Variants in FAP observed in about 807,000 individuals in gnomAD.
FAP encodes fibroblast activation protein alpha, also known as prolyl endopeptidase FAP.
Under a neutral mutation model 126.5 loss-of-function variants are expected in FAP, and 110 were observed. The observed-to-expected ratio is 0.87, with a 90% CI of 0.74 to 1.02. FAP has a LOEUF of 1.02. FAP is among the 50% of genes least tolerant of loss of function. FAP has a pLI of 0.00. For missense variants in FAP, 919 were observed against 909.2 expected, an observed-to-expected ratio of 1.01 and a Z score of -0.14; for synonymous variants, 334 against 297.3, an observed-to-expected ratio of 1.12 and a Z score of -1.27.
intron 16 of FAP, among the ~76,000 whole-genome samples, chr2:162,196,818 CA>C (rs765530018): frequency 6.6e-6 from 1 of 152,120 alleles, no homozygotes; most frequent in Non-Finnish European, 1.5e-5. Context: ...ACTGGAGCTT[CA>C]AAAACACCAG....
intron 14 of FAP, among the ~76,000 whole-genome samples, chr2:162,201,097 G>A (rs903785018): frequency 3.3e-5 from 5 of 152,170 alleles, no homozygotes; most frequent in Non-Finnish European, 7.3e-5. Context: ...AGATGCAAAA[G>A]AAGTCATAAG....
intron 2 of FAP, among the ~76,000 whole-genome samples, chr2:162,229,234 A>AT (rs35449032): frequency 6.6e-6 from 1 of 152,262 alleles, no homozygotes; most frequent in South Asian, 2.1e-4. Flanking sequence ...AAGTGAGATA[A>AT]TTCAACTAAA....
Position 162,200,558 on chromosome 2 carries a change from TA to T in FAP, c.1277+7del. On this transcript the variant is annotated splice_region_variant and intron_variant, in intron 15 of 25. Transcript: ENST00000188790. ...ATAGAAATACCAGAATGAATGGACA[TA>T]AATTACCTGTAGATGTTTCTTCTTC... is the stretch of plus-strand genomic sequence containing the variant. The T allele has an allele frequency of 6.8e-7, 1 of 1,465,860 alleles. No individual in the cohort carries two copies. Among genetic ancestry groups the T allele is most frequent in the Non-Finnish European group, 9.4e-7 (1 of 1,060,296 alleles). The allele number at this position is 1,465,860 out of a possible 1,614,324, so 90.8% of individuals were successfully genotyped here.
intron 12 of FAP, among the ~76,000 whole-genome samples, chr2:162,205,199 C>T (rs186908607): frequency 6.8e-4 from 104 of 152,268 alleles, no homozygotes; most frequent in African/African-American, 2.4e-3. Flanking sequence ...CTACTTTTAA[C>T]TTGTCTAAAG....
chr2:162,220,234 T>C (rs1207907680), intron 6 of FAP, among the ~76,000 whole-genome samples: 1 of 152,250 alleles, frequency 6.6e-6, no homozygotes, highest in East Asian at 1.9e-4. Flanking sequence ...AATTATCTAA[T>C]ACAGTCCTCT....
intron 21 of FAP, among the ~76,000 whole-genome samples, chr2:162,178,904 C>T (rs1477336037): frequency 6.6e-6 from 1 of 152,158 alleles, no homozygotes; most frequent in Non-Finnish European, 1.5e-5. Flanking sequence ...CTCCAATTTC[C>T]CACAGGTCCC....
chr2:162,216,477 T>C (rs2106270995), intron 9 of FAP, among the ~76,000 whole-genome samples: 1 of 152,336 alleles, frequency 6.6e-6, no homozygotes, highest in Non-Finnish European at 1.5e-5. Flanking sequence ...CACCAAATGC[T>C]CAGTCTCCTA....
chr2:162,184,415 G>T lies in FAP; in HGVS notation c.1815-947C>A, dbSNP rs1235975746. Among the ~76,000 whole-genome samples the T allele has an allele frequency of 2.0e-5, 3 of 152,224 alleles. No homozygotes were observed. In the East Asian group the frequency reaches 5.8e-4, roughly 29 times the overall value. On this transcript the variant is annotated intron_variant, in intron 20 of 25. Coordinates refer to ENST00000188790, the MANE Select transcript of FAP (RefSeq NM_004460.5). ...CTTTCTCATCAGTTCTTCTCTGGAA[G>T]TAGAACTGAGTGATTTTCATTACTT...
At chr2:162,209,847 A>G (rs2106260178) in intron 12 of FAP, 105 bp downstream of exon 12, 3 of 976,716 alleles carry the variant, frequency 3.1e-6, no homozygotes, top group African/African-American at 1.6e-5. Context: ...TACTTTTTCT[A>G]TGAAAATAAG....
chr2:162,234,790 C>A (rs1458612338), intron 2 of FAP, among the ~76,000 whole-genome samples: 2 of 152,172 alleles, frequency 1.3e-5, no homozygotes, highest in Non-Finnish European at 2.9e-5. Flanking sequence ...CGCCGCTGCA[C>A]CGTAGGAGCC....
chr2:162,207,838 G>A (rs1688768385), intron 12 of FAP, among the ~76,000 whole-genome samples: 2 of 151,784 alleles, frequency 1.3e-5, no homozygotes, highest in South Asian at 4.2e-4. Flanking sequence ...AGCCTCCTGA[G>A]TAGCTGGGAC....
chr2:162,197,113 T>C (rs1461365878), intron 16 of FAP, among the ~76,000 whole-genome samples: 1 of 152,206 alleles, frequency 6.6e-6, no homozygotes, highest in African/African-American at 2.4e-5. Context: ...AATGCATGGA[T>C]GTAAATGTAG....
chr2:162,220,835 A>T (rs894159614), intron 6 of FAP, among the ~76,000 whole-genome samples: 1 of 152,148 alleles, frequency 6.6e-6, no homozygotes, highest in African/African-American at 2.4e-5. Flanking sequence ...CATCTTGAAG[A>T]TTGTATTAAC....
intron 4 of FAP, 142 bp from the exon 5 acceptor site, chr2:162,224,682 A>C (rs968312075): frequency 5.8e-6 from 3 of 519,280 alleles, no homozygotes; most frequent in Non-Finnish European, 1.0e-5. Context: ...TATTTTGTGG[A>C]ACTTAACTAT....
At chr2:162,181,280 A>C (rs1687688056) in intron 21 of FAP, among the ~76,000 whole-genome samples, 1 of 152,150 alleles carries the variant, frequency 6.6e-6, no homozygotes, top group South Asian at 2.1e-4. Context: ...CTGTCTCAAA[A>C]AAGAAAAAAA....
intron 8 of FAP, among the ~76,000 whole-genome samples, chr2:162,218,674 C>G (rs1287526246): frequency 6.6e-6 from 1 of 150,446 alleles, no homozygotes; most frequent in Non-Finnish European, 1.5e-5. Flanking sequence ...AGAATGAGAA[C>G]AAAATCAACA....
rs371698526 is a variant in FAP at position 162,201,683 on chromosome 2, C to G, written c.1224-1064G>C. Among the ~76,000 whole-genome samples, 37 of 152,276 alleles carry G rather than the reference C, an allele frequency of 2.4e-4. No individual in the cohort carries two copies. In the South Asian group the frequency reaches 6.8e-3, roughly 28 times the overall value. ...CCTGTTTAGCCTCCATCTGTTTTTA[C>G]CATCTACTCTGTTCTCTCTTCCATT... On this transcript the variant is annotated intron_variant, in intron 14 of 25. Transcript: ENST00000188790.
Position 162,174,926 on chromosome 2 carries a change from C to G in FAP, c.1910G>C (p.Gly637Ala). ...GYVSSLALAS[G>A]TGLFKCGIAV... ...TATACCACATTTGAAAAGACCAGTT[C>G]CAGATGCAAGGGCCAGTGATGAAAC... The change falls in exon 22 of 26, where the codon GGA becomes GCA. Residue 637 changes from glycine to alanine, a missense_variant. Transcript: ENST00000188790. The G allele has an allele frequency of 6.2e-7, 1 of 1,612,858 alleles. No homozygotes were observed. The highest frequency in any genetic ancestry group is 8.5e-7 in the Non-Finnish European group (1 of 1,179,158).
chr2:162,174,242 T>G (rs916190263), intron 22 of FAP, among the ~76,000 whole-genome samples: 2 of 152,114 alleles, frequency 1.3e-5, no homozygotes, highest in African/African-American at 4.8e-5. Flanking sequence ...ATGCACACAC[T>G]TTTTTTCTTA....
Sources: allele counts gnomAD v4.1 joint callset (sites outside exome capture counted in the v4.1 genomes callset), GRCh38; gene constraint gnomAD v4.1.1; transcripts MANE v1.5; gene names NCBI Gene and HGNC (gene_info 2026-07-23, HGNC 2026-07-21).